Variants in PDE1A observed in about 807,000 individuals in gnomAD.
The protein encoded by PDE1A is phosphodiesterase 1A.
A neutral mutation model predicts 61.7 loss-of-function variants in PDE1A; 35 were observed. That is an observed-to-expected ratio of 0.57 (90% CI 0.43 to 0.75). The LOEUF is 0.75. Among genes scored for constraint, PDE1A ranks in the 30% least tolerant of loss-of-function variants. The pLI, the probability that PDE1A is intolerant of heterozygous loss-of-function variation, is 0.00. For missense variants in PDE1A, 597 were observed against 630.6 expected (o/e 0.95, Z 0.57); for synonymous variants, 232 against 213.2 (o/e 1.09, Z -0.77).
the PDE1A span, among the ~76,000 whole-genome samples, chr2:182,685,442 A>G: frequency 2.0e-5 from 3 of 152,210 alleles, no homozygotes; most frequent in Non-Finnish European, 4.4e-5. Flanking sequence ...AATTATTTCA[A>G]TGGAAACAAC....
the PDE1A span, among the ~76,000 whole-genome samples, chr2:182,583,096 G>T: frequency 6.6e-6 from 1 of 152,116 alleles, no homozygotes; most frequent in Non-Finnish European, 1.5e-5. Context: ...AGAAACAGCT[G>T]CTTGTTCACC....
chr2:182,334,004 C>T (rs1434741052), intron 1 of PDE1A, among the ~76,000 whole-genome samples: 1 of 152,102 alleles, frequency 6.6e-6, no homozygotes, highest in African/African-American at 2.4e-5. Context: ...TTCCTGGACA[C>T]ATACACTATC....
intron 13 of PDE1A, among the ~76,000 whole-genome samples, chr2:182,148,281 G>T (rs1454486563): frequency 1.3e-5 from 2 of 152,040 alleles, no homozygotes; most frequent in African/African-American, 4.8e-5. Flanking sequence ...TGTGTGTGGA[G>T]GGGGGTGGGG....
chr2:182,143,335 T>C (rs1690318935), downstream of PDE1A, among the ~76,000 whole-genome samples: 1 of 152,110 alleles, frequency 6.6e-6, no homozygotes, highest in African/African-American at 2.4e-5. Flanking sequence ...TTGCACACCA[T>C]TTTTATTTGT....
At chr2:182,585,746 C>T in the PDE1A span, among the ~76,000 whole-genome samples, 1 of 152,116 alleles carries the variant, frequency 6.6e-6, no homozygotes. Flanking sequence ...TAATTTTCCT[C>T]TTTGTTCCCA....
intron 1 of PDE1A, among the ~76,000 whole-genome samples, chr2:182,346,998 C>T (rs1261619351): frequency 6.6e-6 from 1 of 152,084 alleles, no homozygotes; most frequent in African/African-American, 2.4e-5. Flanking sequence ...ACTATTAAGA[C>T]ACTGTATTCT....
the PDE1A span, among the ~76,000 whole-genome samples, chr2:182,550,586 C>T: frequency 6.6e-6 from 1 of 152,166 alleles, no homozygotes; most frequent in African/African-American, 2.4e-5. Flanking sequence ...TGAACAATTA[C>T]GACGCTCCAG....
chr2:182,438,317 A>T (rs987264170), intron 2 of PDE1A, among the ~76,000 whole-genome samples: 6 of 151,990 alleles, frequency 3.9e-5, no homozygotes, highest in Non-Finnish European at 8.8e-5. Context: ...CCAAGAATGG[A>T]GGGAAAACTG....
chr2:182,421,837 T>C (rs1703295108), intron 1 of PDE1A, among the ~76,000 whole-genome samples: 1 of 152,200 alleles, frequency 6.6e-6, no homozygotes, highest in Non-Finnish European at 1.5e-5. Flanking sequence ...AGTAAGTTAC[T>C]AACAGCAATA....
intron 13 of PDE1A, among the ~76,000 whole-genome samples, chr2:182,178,606 G>T (rs1162388321): frequency 1.3e-5 from 2 of 152,050 alleles, no homozygotes; most frequent in African/African-American, 4.8e-5. Flanking sequence ...GAAGATCTTT[G>T]TCATGTTCCC....
At chr2:182,273,940 A>G (rs1175773579) in intron 1 of PDE1A, among the ~76,000 whole-genome samples, 1 of 152,158 alleles carries the variant, frequency 6.6e-6, no homozygotes, top group Admixed American at 6.6e-5. Flanking sequence ...CTTATAAACA[A>G]GAGAAATTTC....
At chr2:182,426,914 G>A in exon 1 of PDE1A, 1 of 1,194,630 alleles carries the variant, frequency 8.4e-7, no homozygotes, top group Non-Finnish European at 1.0e-6. Context: ...AAGTGCACGG[G>A]ACCCTCCGAA....
chr2:182,600,908 A>G, the PDE1A span, among the ~76,000 whole-genome samples: 1 of 152,184 alleles, frequency 6.6e-6, no homozygotes, highest in African/African-American at 2.4e-5. Flanking sequence ...TTAAGTGCTC[A>G]TGTATTAAGA....
chr2:182,701,456 A>G, the PDE1A span, among the ~76,000 whole-genome samples: 1 of 124,662 alleles, frequency 8.0e-6, no homozygotes, highest in Non-Finnish European at 1.9e-5. Flanking sequence ...TCTCAGCTCA[A>G]TGCAACTTGC....
chr2:182,531,056 A>G, the PDE1A span, among the ~76,000 whole-genome samples: 1 of 152,114 alleles, frequency 6.6e-6, no homozygotes, highest in Admixed American at 6.5e-5. Context: ...ATAATGACAT[A>G]TCAGTAGATT....
chr2:182,190,022 C>T (rs115751002), intron 10 of PDE1A, among the ~76,000 whole-genome samples: 6 of 152,330 alleles, frequency 3.9e-5, no homozygotes, highest in South Asian at 2.1e-4. Flanking sequence ...AAGGACTCCA[C>T]GGTTTCCTTT....
chr2:182,593,553 C>T, the PDE1A span, among the ~76,000 whole-genome samples: 1 of 152,156 alleles, frequency 6.6e-6, no homozygotes, highest in African/African-American at 2.4e-5. Context: ...CCTGATGAGT[C>T]AGACCCGTGG....
intron 13 of PDE1A, among the ~76,000 whole-genome samples, chr2:182,174,930 T>G (rs1692594513): frequency 6.6e-6 from 1 of 152,082 alleles, no homozygotes; most frequent in South Asian, 2.1e-4. Flanking sequence ...GTGTATGATG[T>G]TCCCTTCCCT....
intron 1 of PDE1A, among the ~76,000 whole-genome samples, chr2:182,312,051 C>G (rs2125952637): frequency 6.6e-6 from 1 of 152,200 alleles, no homozygotes; most frequent in South Asian, 2.1e-4. Context: ...TATGAGTTAT[C>G]TTTTCATGTG....
Sources: allele counts gnomAD v4.1 joint callset (sites outside exome capture counted in the v4.1 genomes callset), GRCh38; gene constraint gnomAD v4.1.1; transcripts MANE v1.5; gene names NCBI Gene and HGNC (gene_info 2026-07-23, HGNC 2026-07-21).